RGS7: variants seen among roughly 807,000 people sequenced by gnomAD.
The protein encoded by RGS7 is regulator of G-protein signaling 7.
In RGS7, 27 loss-of-function variants were observed where a neutral mutation model predicts 81.1. The observed-to-expected ratio is 0.33, with a 90% CI of 0.25 to 0.46. The LOEUF is 0.46. Ranked by LOEUF, RGS7 falls within the 20% of genes least tolerant of loss-of-function variation. The pLI, the probability that RGS7 is intolerant of heterozygous loss-of-function variation, is 1.00. For synonymous variants in RGS7, 208 were observed against 207.7 expected (o/e 1.00, Z -0.01); for missense variants, 396 against 607.4 (o/e 0.65, Z 3.66).
rs184739172 is a variant in RGS7, at chr1:241,164,505, G to A, written c.79-65743C>T. Among the ~76,000 whole-genome samples the A allele has an allele frequency of 5.9e-5, 9 of 152,186 alleles. No homozygotes were observed. Among genetic ancestry groups the A allele is most frequent in the African/African-American group, 1.9e-4 (8 of 41,514 alleles). On this transcript the variant is annotated intron_variant, in intron 2 of 18. Transcript: ENST00000440928. This position sits in a 1 kb window ranked among gnomAD's most constrained non-coding sequence, Gnocchi z 4.1. The stretch of plus-strand genomic sequence containing the variant: ...TTAGCATACAAAAAGACATCACTTC[G>A]GAGATTCTAAGGATTTTAGGAGTTG...
intron 3 of RGS7, among the ~76,000 whole-genome samples, chr1:241,012,608 T>A (rs1371783715): frequency 1.3e-5 from 2 of 152,118 alleles, no homozygotes; most frequent in African/African-American, 4.8e-5. Flanking sequence ...GACCAAAATA[T>A]GTCACCCAAA....
At chr1:240,831,118 A>G (rs1490772414) in intron 9 of RGS7, among the ~76,000 whole-genome samples, 1 of 152,202 alleles carries the variant, frequency 6.6e-6, no homozygotes, top group Non-Finnish European at 1.5e-5. Flanking sequence ...GAAATCTGCC[A>G]GTTCAAAGTT....
At chr1:240,822,215 C>T (rs1476517842) in intron 10 of RGS7, among the ~76,000 whole-genome samples, 1 of 152,192 alleles carries the variant, frequency 6.6e-6, no homozygotes, top group African/African-American at 2.4e-5. Flanking sequence ...TGTCTCCAGA[C>T]TGCCTTTTTT....
At chr1:240,863,840 A>G (rs768033441) in intron 9 of RGS7, among the ~76,000 whole-genome samples, 184 of 152,346 alleles carry the variant, frequency 1.2e-3, no homozygotes, top group Non-Finnish European at 2.2e-3. Flanking sequence ...TATGAAAACC[A>G]TGAGTAAAAT....
intron 4 of RGS7, among the ~76,000 whole-genome samples, chr1:240,947,844 C>A (rs1055411788): frequency 6.6e-6 from 1 of 152,322 alleles, no homozygotes; most frequent in Admixed American, 6.5e-5. Context: ...GATCTGGCCA[C>A]CCCAGTTACT....
At chr1:241,038,119 C>A (rs945011984) in intron 3 of RGS7, among the ~76,000 whole-genome samples, 1 of 152,044 alleles carries the variant, frequency 6.6e-6, no homozygotes, top group Non-Finnish European at 1.5e-5. Flanking sequence ...CTATTAAAAT[C>A]TTTTTTAAAA....
At chr1:240,863,195 CG>C (rs1662561412) in intron 9 of RGS7, among the ~76,000 whole-genome samples, 1 of 152,022 alleles carries the variant, frequency 6.6e-6, no homozygotes, top group African/African-American at 2.4e-5. Context: ...AATTTTAGGC[CG>C]GGCACGGTGG....
intron 6 of RGS7, among the ~76,000 whole-genome samples, chr1:240,877,709 G>A (rs1665681834): frequency 2.0e-5 from 3 of 152,152 alleles, no homozygotes; most frequent in Admixed American, 6.5e-5. Flanking sequence ...ACAGTTGTGT[G>A]AACATACACG....
intron 2 of RGS7, among the ~76,000 whole-genome samples, chr1:241,330,797 CA>C (rs930788672): frequency 4.6e-5 from 7 of 152,138 alleles, no homozygotes; most frequent in African/African-American, 9.7e-5. Flanking sequence ...AGGGAGGTGT[CA>C]GGGGCAAGGG....
intron 3 of RGS7, among the ~76,000 whole-genome samples, chr1:241,016,533 C>A (rs2059243563): frequency 6.7e-6 from 1 of 149,820 alleles, no homozygotes; most frequent in African/African-American, 2.5e-5. Flanking sequence ...ACACAAAAAA[C>A]AAAAATCAAC....
chr1:240,840,517 C>T (rs1657741765), intron 9 of RGS7, among the ~76,000 whole-genome samples: 1 of 152,208 alleles, frequency 6.6e-6, no homozygotes, highest in Admixed American at 6.5e-5. Flanking sequence ...TCATCATCCA[C>T]CCACCTTGGC....
chr1:240,797,963 A>G (rs1241739447), intron 18 of RGS7, among the ~76,000 whole-genome samples: 1 of 152,218 alleles, frequency 6.6e-6, no homozygotes, highest in African/African-American at 2.4e-5. Context: ...TTTTGGGATT[A>G]ATGAAAAGAA....
At chr1:241,215,439 C>T (rs1461245166) in intron 2 of RGS7, among the ~76,000 whole-genome samples, 1 of 152,178 alleles carries the variant, frequency 6.6e-6, no homozygotes, top group African/African-American at 2.4e-5. Context: ...CTGTTGGTTT[C>T]CTCTAGGGCT....
intron 2 of RGS7, among the ~76,000 whole-genome samples, chr1:241,104,701 T>C (rs183644266): frequency 1.3e-5 from 2 of 152,360 alleles, no homozygotes; most frequent in East Asian, 3.9e-4. Context: ...AAAGTAATTT[T>C]GAGAATATGT....
chr1:240,993,663 AC>A (rs1686857823), intron 3 of RGS7, among the ~76,000 whole-genome samples: 1 of 150,858 alleles, frequency 6.6e-6, no homozygotes, highest in African/African-American at 2.4e-5. Context: ...TTGTTGTTCC[AC>A]CCTCTTCACA....
intron 2 of RGS7, among the ~76,000 whole-genome samples, chr1:241,270,980 A>G (rs1465843031): frequency 1.3e-5 from 2 of 152,004 alleles, no homozygotes; most frequent in African/African-American, 4.8e-5. Flanking sequence ...GATGGTCTCA[A>G]TCTCCTGACC....
Position 241,141,981 on chromosome 1 carries a change from G to A in RGS7, c.79-43219C>T, listed in dbSNP as rs568979899. 7.9e-5 allele frequency among the ~76,000 whole-genome samples: 12 copies of A among 152,360 alleles called. No individual in the cohort carries two copies. The East Asian group carries it at 2.3e-3, about 29-fold the overall frequency. ...GTAAAGACAGCTGTTCCAAGTGGGAGAAATTGGCCAAAACAAAGGGGCTGC... is the reference window on the plus strand; with the variant it reads ...GTAAAGACAGCTGTTCCAAGTGGGAAAAATTGGCCAAAACAAAGGGGCTGC... On this transcript the variant is annotated intron_variant, in intron 2 of 18. Coordinates refer to ENST00000440928, the MANE Select transcript of RGS7 (RefSeq NM_001364886.1).
chr1:240,903,107 G>T (rs988386294), intron 6 of RGS7, among the ~76,000 whole-genome samples: 1 of 152,162 alleles, frequency 6.6e-6, no homozygotes, highest in African/African-American at 2.4e-5. Flanking sequence ...GACTTTTCAA[G>T]ACCATGCTGC....
chr1:241,103,447 T>G (rs377669046), intron 2 of RGS7, among the ~76,000 whole-genome samples: 2 of 152,350 alleles, frequency 1.3e-5, no homozygotes, highest in South Asian at 4.1e-4. Context: ...GTAGATGATC[T>G]GTAAGACTTC....
Sources: gnomAD v4.1 joint callset for allele counts (sites outside exome capture counted in the v4.1 genomes callset) on GRCh38, gnomAD v4.1.1 for gene constraint, Gnocchi (gnomAD v3.1) non-coding constraint, MANE v1.5 for transcripts, NCBI Gene and HGNC (gene_info 2026-07-23, HGNC 2026-07-21) for gene names.